The following ST18 variants were observed in gnomAD, a reference collection of about 807,000 sequenced individuals.
The protein encoded by ST18 is ST18 C2H2C-type zinc finger transcription factor, also known as suppression of tumorigenicity 18 protein.
In ST18, 50 loss-of-function variants were observed where a neutral mutation model predicts 110.0. The ratio of observed to expected loss-of-function variants is 0.45; its 90% CI spans 0.36 to 0.58. ST18 has a LOEUF of 0.58. ST18 is among the 20% of genes least tolerant of loss of function. The pLI, the probability that ST18 is intolerant of heterozygous loss-of-function variation, is 0.00. For synonymous variants in ST18, 461 were observed against 452.4 expected (o/e 1.02, Z -0.24); for missense variants, 1,306 against 1,280.1 (o/e 1.02, Z -0.31).
At position 52,116,772 on chromosome 8, in the gene ST18, A is replaced by T. The variant is rs115156139; in HGVS notation, c.2860-354T>A. ...GTCAGCAGCAACTCAACTGTAGTGC[A>T]GACCCCCCATGGCTCTTTCTTTCAT... On this transcript the variant is annotated intron_variant, in intron 24 of 25. Transcript: ENST00000689386. Among the ~76,000 whole-genome samples the T allele has an allele frequency of 9.2e-3, 1,400 of 152,294 alleles. 28 individuals carry two copies. Among genetic ancestry groups the T allele is most frequent in the African/African-American group, 0.031 (1,298 of 41,562 alleles).
chr8:52,243,390 C>T (rs2093598445), intron 2 of ST18, among the ~76,000 whole-genome samples: 1 of 152,160 alleles, frequency 6.6e-6, no homozygotes, highest in Admixed American at 6.5e-5. Flanking sequence ...TGATATTTAA[C>T]TATGACTGGA....
intron 10 of ST18, 51 bp downstream of exon 10, chr8:52,171,740 TC>T (rs2065040484): frequency 1.9e-6 from 3 of 1,578,436 alleles, no homozygotes; most frequent in Non-Finnish European, 2.6e-6. Flanking sequence ...GACTTTTTTT[TC>T]AAACCCTAAT....
intron 2 of ST18, among the ~76,000 whole-genome samples, chr8:52,337,989 G>A (rs149469910): frequency 6.6e-5 from 10 of 152,214 alleles, no homozygotes; most frequent in Non-Finnish European, 1.3e-4. Flanking sequence ...GGATGAATTA[G>A]ATGGCATCTT....
At chr8:52,113,955 T>G (rs1002535904) in intron 25 of ST18, among the ~76,000 whole-genome samples, 2 of 24,316 alleles carry the variant, frequency 8.2e-5, no homozygotes, top group Non-Finnish European at 6.1e-5. Flanking sequence ...TCATACCGTG[T>G]TTTTTTTTTT....
At chr8:52,400,708 C>A (rs755921502) in intron 2 of ST18, among the ~76,000 whole-genome samples, 1 of 151,210 alleles carries the variant, frequency 6.6e-6, no homozygotes, top group African/African-American at 2.5e-5. Context: ...AGACTTTTAA[C>A]CTCTCCCCTG....
intron 2 of ST18, among the ~76,000 whole-genome samples, chr8:52,380,287 AT>A (rs1334412958): frequency 6.6e-6 from 1 of 151,990 alleles, no homozygotes; most frequent in Non-Finnish European, 1.5e-5. Flanking sequence ...TTCATTCCTT[AT>A]TTTTTCTTAA....
chr8:52,299,192 A>T (rs966665114), intron 2 of ST18, among the ~76,000 whole-genome samples: 2 of 152,138 alleles, frequency 1.3e-5, no homozygotes, highest in African/African-American at 2.4e-5. Flanking sequence ...TTATACACAC[A>T]TATGTGTACA....
At chr8:52,223,174 C>T (rs921415712) in intron 3 of ST18, among the ~76,000 whole-genome samples, 3 of 152,156 alleles carry the variant, frequency 2.0e-5, no homozygotes, top group African/African-American at 7.2e-5. Flanking sequence ...TGGATGAGTA[C>T]TGCGCCTGAG....
chr8:52,176,223 G>T (rs1297842433), intron 9 of ST18, among the ~76,000 whole-genome samples: 2 of 152,076 alleles, frequency 1.3e-5, no homozygotes, highest in Non-Finnish European at 2.9e-5. Context: ...TGGGGTTTCA[G>T]CATGTAGGTC....
intron 15 of ST18, among the ~76,000 whole-genome samples, chr8:52,153,408 C>T (rs910008012): frequency 2.6e-5 from 4 of 152,168 alleles, no homozygotes; most frequent in African/African-American, 7.2e-5. Flanking sequence ...GTTTTTTATT[C>T]TTGCTTCAAG....
At position 52,326,374 on chromosome 8, in the gene ST18, G is replaced by A. The variant is rs553859977; in HGVS notation, c.-465+82954C>T. On this transcript the variant is annotated intron_variant, in intron 2 of 25. Coordinates refer to ENST00000689386, the MANE Select transcript of ST18 (RefSeq NM_001352837.2). Reference sequence around the variant, plus strand: ...CAAGACTTTTCTGGCAACTTTAGGCGCCACCATGTAGGAAATGTTTATTGG... The same window carrying A: ...CAAGACTTTTCTGGCAACTTTAGGCACCACCATGTAGGAAATGTTTATTGG... Among the ~76,000 whole-genome samples, 176 of 152,244 alleles carry A rather than the reference G, an allele frequency of 1.2e-3. 1 individual carries two copies. Among genetic ancestry groups the A allele is most frequent in the Admixed American group, 5.0e-3 (76 of 15,296 alleles).
At chr8:52,239,017 G>C in intron 2 of ST18, among the ~76,000 whole-genome samples, 1 of 151,920 alleles carries the variant, frequency 6.6e-6, no homozygotes, top group Non-Finnish European at 1.5e-5. Flanking sequence ...CCAATAAAAG[G>C]AATGAAGTAC....
At chr8:52,165,056 G>T in intron 12 of ST18, 79 bp downstream of exon 12, 1 of 1,373,696 alleles carries the variant, frequency 7.3e-7, no homozygotes, top group Non-Finnish European at 1.0e-6. Context: ...ATCACACATT[G>T]GTAACCCATT....
chr8:52,177,006 G>T (rs1489456272), intron 9 of ST18, among the ~76,000 whole-genome samples: 1 of 152,202 alleles, frequency 6.6e-6, no homozygotes, highest in Non-Finnish European at 1.5e-5. Flanking sequence ...AAGATAATGT[G>T]TTAAAAGTGT....
At chr8:52,386,703 T>C (rs558031609) in intron 2 of ST18, among the ~76,000 whole-genome samples, 75 of 152,314 alleles carry the variant, frequency 4.9e-4, no homozygotes, top group Middle Eastern at 6.8e-3. Flanking sequence ...CTTATAAGCC[T>C]GCTAACTCTA....
At chr8:52,337,821 C>A (rs891858962) in intron 2 of ST18, among the ~76,000 whole-genome samples, 1 of 152,164 alleles carries the variant, frequency 6.6e-6, no homozygotes, top group Non-Finnish European at 1.5e-5. Flanking sequence ...TTTCTTCACT[C>A]GCCAGTGGTC....
intron 2 of ST18, among the ~76,000 whole-genome samples, chr8:52,274,741 G>A (rs1589517577): frequency 1.3e-5 from 2 of 152,148 alleles, no homozygotes; most frequent in East Asian, 1.9e-4. Context: ...ACGTTAATAA[G>A]TAACAACCCA....
intron 2 of ST18, among the ~76,000 whole-genome samples, chr8:52,243,775 G>A (rs1319214562): frequency 1.3e-5 from 2 of 152,154 alleles, no homozygotes; most frequent in Non-Finnish European, 2.9e-5. Flanking sequence ...TATGTACAAT[G>A]TTGGTACCAC....
At chr8:52,298,724 C>T (rs879474151) in intron 2 of ST18, among the ~76,000 whole-genome samples, 10 of 152,184 alleles carry the variant, frequency 6.6e-5, no homozygotes, top group South Asian at 6.2e-4. Flanking sequence ...TACACATATT[C>T]CTTTTTGCAT....
Sources: allele counts gnomAD v4.1 joint callset (sites outside exome capture counted in the v4.1 genomes callset), GRCh38; gene constraint gnomAD v4.1.1; transcripts MANE v1.5; gene names NCBI Gene and HGNC (gene_info 2026-07-23, HGNC 2026-07-21).